Variants in ADAMTS19 observed in about 807,000 individuals in gnomAD.
The protein encoded by ADAMTS19 is A disintegrin and metalloproteinase with thrombospondin motifs 19.
In ADAMTS19, 93 loss-of-function variants were observed where a neutral mutation model predicts 153.3. The observed-to-expected ratio is 0.61, with a 90% CI of 0.51 to 0.72. The LOEUF (loss-of-function observed/expected upper bound fraction) is 0.72, where lower values mean the gene tolerates loss of function less well. Ranked by LOEUF, ADAMTS19 falls within the 30% of genes least tolerant of loss-of-function variation. The pLI, the probability that ADAMTS19 is intolerant of heterozygous loss-of-function variation, is 0.00. For missense variants in ADAMTS19, 1,482 were observed against 1,552.1 expected, an observed-to-expected ratio of 0.95 and a Z score of 0.76; for synonymous variants, 600 against 556.6, an observed-to-expected ratio of 1.08 and a Z score of -1.10.
chr5:129,626,400 C>T (rs1314817433), intron 10 of ADAMTS19, among the ~76,000 whole-genome samples: 1 of 152,080 alleles, frequency 6.6e-6, no homozygotes, highest in Non-Finnish European at 1.5e-5. Flanking sequence ...TCCCAATAAC[C>T]TACCTGCACA....
At chr5:129,467,190 A>G (rs1362567352) in intron 2 of ADAMTS19, among the ~76,000 whole-genome samples, 1 of 152,184 alleles carries the variant, frequency 6.6e-6, no homozygotes, top group Non-Finnish European at 1.5e-5. Context: ...CTGTAAGACA[A>G]AGGAAGCGTC....
At chr5:129,480,938 AT>A in intron 2 of ADAMTS19, among the ~76,000 whole-genome samples, 1 of 152,196 alleles carries the variant, frequency 6.6e-6, no homozygotes, top group East Asian at 1.9e-4. Context: ...ATGAGGAAAA[AT>A]AATTCATTAT....
chr5:129,512,973 A>G (rs1007714472), intron 3 of ADAMTS19, among the ~76,000 whole-genome samples: 1 of 151,792 alleles, frequency 6.6e-6, no homozygotes, highest in Non-Finnish European at 1.5e-5. Context: ...ATGTGGGTTC[A>G]GCTTTACATT....
chr5:129,712,304 A>G (rs1159299361), intron 21 of ADAMTS19, among the ~76,000 whole-genome samples: 1 of 152,182 alleles, frequency 6.6e-6, no homozygotes, highest in Non-Finnish European at 1.5e-5. Flanking sequence ...TTAATTTTAA[A>G]GCGTTTGGAC....
chr5:129,532,643 A>G (rs567748382), intron 6 of ADAMTS19, among the ~76,000 whole-genome samples: 1 of 152,364 alleles, frequency 6.6e-6, no homozygotes, highest in East Asian at 1.9e-4. Flanking sequence ...TTGAAAATTT[A>G]TAGAAGCTTT....
At chr5:129,657,890 T>C (rs1204786154) in intron 14 of ADAMTS19, among the ~76,000 whole-genome samples, 2 of 152,222 alleles carry the variant, frequency 1.3e-5, no homozygotes, top group African/African-American at 4.8e-5. Flanking sequence ...TCATGTTGTA[T>C]TTAATAGAAA....
At chr5:129,730,391 TAC>T (rs1757386687) in intron 21 of ADAMTS19, among the ~76,000 whole-genome samples, 1 of 152,148 alleles carries the variant, frequency 6.6e-6, no homozygotes, top group African/African-American at 2.4e-5. Context: ...CAGAAATATA[TAC>T]AGAGTAAAAC....
intron 20 of ADAMTS19, among the ~76,000 whole-genome samples, chr5:129,702,971 T>TATATATATATATATATATATATATAC (rs1389589629): frequency 4.6e-5 from 6 of 129,780 alleles, no homozygotes; most frequent in Admixed American, 7.7e-5. Context: ...TATATATATA[T>TATATATATATATATATATATATATAC]ACAAATACAT....
intron 2 of ADAMTS19, among the ~76,000 whole-genome samples, chr5:129,505,100 A>G (rs1254028769): frequency 6.6e-6 from 1 of 152,136 alleles, no homozygotes; most frequent in Non-Finnish European, 1.5e-5. Context: ...CGACTGTTAC[A>G]ATATTAAGTA....
chr5:129,563,555 C>A (rs1462391047), intron 7 of ADAMTS19, among the ~76,000 whole-genome samples: 1 of 152,102 alleles, frequency 6.6e-6, no homozygotes, highest in Non-Finnish European at 1.5e-5. Context: ...GATTTTTGCC[C>A]ACTCAGTCTA....
chr5:129,495,604 A>G (rs1320542706), intron 2 of ADAMTS19, among the ~76,000 whole-genome samples: 1 of 152,106 alleles, frequency 6.6e-6, no homozygotes, highest in African/African-American at 2.4e-5. Context: ...ATTGCCTCAG[A>G]GTAGTGATTA....
intron 13 of ADAMTS19, 51 bp downstream of exon 13, chr5:129,649,021 G>A: frequency 6.7e-7 from 1 of 1,491,550 alleles, no homozygotes; most frequent in Non-Finnish European, 9.1e-7. Flanking sequence ...TTCTAGGTTT[G>A]CGAAGTGTTT....
At chr5:129,555,660 C>T (rs1469682116) in intron 7 of ADAMTS19, among the ~76,000 whole-genome samples, 2 of 152,168 alleles carry the variant, frequency 1.3e-5, no homozygotes, top group Non-Finnish European at 2.9e-5. Context: ...TTTATCTACA[C>T]CAGTTTCTAT....
chr5:129,512,086 T>C (rs2126730029), intron 3 of ADAMTS19, among the ~76,000 whole-genome samples: 1 of 152,110 alleles, frequency 6.6e-6, no homozygotes, highest in Non-Finnish European at 1.5e-5. Flanking sequence ...TTGAGTGCCC[T>C]GGTAAGGACT....
In ADAMTS19 at chr5:129,701,713, T is replaced by A. The variant is rs562161281; in HGVS notation, c.3159+121T>A. 9.7e-4 allele frequency: 990 copies of A among 1,022,244 alleles called. 1 individual carries two copies. The highest frequency in any genetic ancestry group is 7.9e-3 in the Middle Eastern group (24 of 3,034). The allele number at this position is 1,022,244 out of a possible 1,614,324, so 63.3% of individuals were successfully genotyped here. A position where few individuals can be genotyped will look rare whatever the true frequency, so the allele number is the denominator to read the frequency against. ...ATATTTTTCTATACTATTTATTAAT[T>A]TTGTTGATGATTAAAGGAATACATT... On this transcript the variant is annotated intron_variant, in intron 20 of 22. Coordinates refer to ENST00000274487, the MANE Select transcript of ADAMTS19 (RefSeq NM_133638.6).
At chr5:129,702,031 C>T (rs1188269801) in intron 20 of ADAMTS19, among the ~76,000 whole-genome samples, 1 of 152,082 alleles carries the variant, frequency 6.6e-6, no homozygotes. Flanking sequence ...GTGCAGGAAA[C>T]TTAAGTTTCA....
At chr5:129,488,403 C>T (rs996481413) in intron 2 of ADAMTS19, among the ~76,000 whole-genome samples, 7 of 151,970 alleles carry the variant, frequency 4.6e-5, no homozygotes, top group African/African-American at 7.2e-5. Context: ...TTATATTTGC[C>T]GACACATCAG....
intron 3 of ADAMTS19, among the ~76,000 whole-genome samples, chr5:129,512,163 C>G (rs1188059549): frequency 1.3e-5 from 2 of 151,932 alleles, no homozygotes; most frequent in Non-Finnish European, 2.9e-5. Flanking sequence ...ATGTCTAAGA[C>G]TCAGTAGGAA....
chr5:129,723,521 T>C (rs1757088519), intron 21 of ADAMTS19, among the ~76,000 whole-genome samples: 1 of 152,228 alleles, frequency 6.6e-6, no homozygotes, highest in Non-Finnish European at 1.5e-5. Flanking sequence ...ATTTCTCTAA[T>C]CATTTTGAGA....
Sources: gnomAD v4.1 joint callset for allele counts (sites outside exome capture counted in the v4.1 genomes callset) on GRCh38, gnomAD v4.1.1 for gene constraint, MANE v1.5 for transcripts, NCBI Gene and HGNC (gene_info 2026-07-23, HGNC 2026-07-21) for gene names.